SORCS3: variants seen among roughly 807,000 people sequenced by gnomAD.
SORCS3 encodes VPS10 domain-containing receptor SorCS3.
SORCS3 carries 57 observed loss-of-function variants against 146.3 expected under a neutral mutation model. The ratio of observed to expected loss-of-function variants is 0.39; its 90% CI spans 0.31 to 0.49. The LOEUF (loss-of-function observed/expected upper bound fraction) is 0.49. SORCS3 is among the 20% of genes least tolerant of loss of function. The pLI, the probability that SORCS3 is intolerant of heterozygous loss-of-function variation, is 0.92. For synonymous variants in SORCS3, 653 were observed against 618.5 expected (o/e 1.06, Z -0.83); for missense variants, 1,341 against 1,575.5 (o/e 0.85, Z 2.52).
intron 1 of SORCS3, among the ~76,000 whole-genome samples, chr10:104,686,739 C>G (rs150526638): frequency 2.0e-4 from 30 of 152,242 alleles, no homozygotes; most frequent in African/African-American, 7.0e-4. Flanking sequence ...TGGAAAAGAT[C>G]CAGGATCCTG....
intron 2 of SORCS3, among the ~76,000 whole-genome samples, chr10:104,855,543 T>C (rs1189131894): frequency 1.3e-5 from 2 of 152,244 alleles, no homozygotes; most frequent in African/African-American, 2.4e-5. Flanking sequence ...TTGTTAAGTG[T>C]ACACTTATTT....
intron 2 of SORCS3, among the ~76,000 whole-genome samples, chr10:104,888,693 A>G (rs1399189615): frequency 1.3e-5 from 2 of 152,192 alleles, no homozygotes; most frequent in East Asian, 1.9e-4. Flanking sequence ...AATCAATCAC[A>G]TAGAGAAAAA....
rs989641783 is a variant in SORCS3, at chr10:104,828,959, C to T, written c.628-13833C>T. Among the ~76,000 whole-genome samples, 4 of 152,212 alleles carry T rather than the reference C, an allele frequency of 2.6e-5. No individual in the cohort carries two copies. In the South Asian group the frequency reaches 6.2e-4, roughly 24 times the overall value. ...AAAGAAATCCTTGAAAGACATTGCT[C>T]CCAGAAAGGAGAGGGCTGAGAGTTT... On this transcript the variant is annotated intron_variant, in intron 1 of 26. Coordinates refer to ENST00000369701, the MANE Select transcript of SORCS3 (RefSeq NM_014978.3).
chr10:104,799,573 T>C (rs1401380588), intron 1 of SORCS3, among the ~76,000 whole-genome samples: 1 of 151,970 alleles, frequency 6.6e-6, no homozygotes, highest in Non-Finnish European at 1.5e-5. Flanking sequence ...AGGGATAACA[T>C]CAGGAGAGAT....
intron 1 of SORCS3, among the ~76,000 whole-genome samples, chr10:104,732,149 T>A (rs1589477057): frequency 6.6e-6 from 1 of 152,152 alleles, no homozygotes; most frequent in East Asian, 1.9e-4. Flanking sequence ...CTGCTGCTGG[T>A]TTGGTGTTTA....
At chr10:104,994,562 C>A (rs1038598196) in intron 4 of SORCS3, among the ~76,000 whole-genome samples, 1 of 152,154 alleles carries the variant, frequency 6.6e-6, no homozygotes, top group African/African-American at 2.4e-5. Context: ...AATCCGTCAC[C>A]TTCAAAAGTT....
chr10:105,159,679 AGC>A (rs2056245529), intron 11 of SORCS3, among the ~76,000 whole-genome samples: 1 of 152,080 alleles, frequency 6.6e-6, no homozygotes, highest in African/African-American at 2.4e-5. Flanking sequence ...TAGAAGTTAG[AGC>A]TCCGGTGTTG....
At chr10:104,871,922 G>T (rs2018522701) in intron 2 of SORCS3, among the ~76,000 whole-genome samples, 1 of 152,060 alleles carries the variant, frequency 6.6e-6, no homozygotes, top group Non-Finnish European at 1.5e-5. Flanking sequence ...CTTATTTCTG[G>T]TGGTAGTCTT....
intron 5 of SORCS3, among the ~76,000 whole-genome samples, chr10:105,086,680 A>G (rs2055662888): frequency 6.6e-6 from 1 of 152,204 alleles, no homozygotes; most frequent in Non-Finnish European, 1.5e-5. Flanking sequence ...TATGGTGCCA[A>G]TTCTCTGAAT....
intron 25 of SORCS3, among the ~76,000 whole-genome samples, chr10:105,260,162 A>G (rs2056952575): frequency 6.6e-6 from 1 of 152,202 alleles, no homozygotes; most frequent in Non-Finnish European, 1.5e-5. Context: ...AAAGCGAATA[A>G]TCTCTATAAG....
chr10:105,183,913 A>G (rs952421452), intron 14 of SORCS3, among the ~76,000 whole-genome samples: 1 of 152,080 alleles, frequency 6.6e-6, no homozygotes, highest in Non-Finnish European at 1.5e-5. Context: ...GGCTTTGGAG[A>G]TTCACTTTCC....
chr10:104,706,053 T>A (rs1373133645), intron 1 of SORCS3, among the ~76,000 whole-genome samples: 3 of 152,170 alleles, frequency 2.0e-5, no homozygotes. Context: ...TAGCTGTTGC[T>A]GACGAGTGAG....
chr10:105,012,162 T>C (rs564090389), intron 4 of SORCS3, among the ~76,000 whole-genome samples: 1 of 152,264 alleles, frequency 6.6e-6, no homozygotes, highest in Admixed American at 6.5e-5. Context: ...TTTAAGCGCA[T>C]AGAAGGGATG....
chr10:105,235,307 C>T (rs1385749425), intron 20 of SORCS3, among the ~76,000 whole-genome samples: 1 of 151,932 alleles, frequency 6.6e-6, no homozygotes, highest in African/African-American at 2.4e-5. Flanking sequence ...TATTTTCCCC[C>T]TCCCCTGATA....
chr10:105,159,150 C>A (rs1589661992), intron 11 of SORCS3, among the ~76,000 whole-genome samples, 156 bp downstream of exon 11: 1 of 152,150 alleles, frequency 6.6e-6, no homozygotes, highest in African/African-American at 2.4e-5. Context: ...CATCTAAGAA[C>A]CTAACATGCA....
chr10:104,808,910 GATAGAA>G (rs1474588518), intron 1 of SORCS3, among the ~76,000 whole-genome samples: 3 of 152,186 alleles, frequency 2.0e-5, no homozygotes, highest in South Asian at 4.1e-4. Context: ...ACGTGCTGGT[GATAGAA>G]ATAGAAGTAA....
At chr10:104,735,250 C>A (rs2016754299) in intron 1 of SORCS3, among the ~76,000 whole-genome samples, 1 of 152,096 alleles carries the variant, frequency 6.6e-6, no homozygotes, top group Non-Finnish European at 1.5e-5. Context: ...CTTATGCCAG[C>A]CATTCAGGGC....
intron 7 of SORCS3, among the ~76,000 whole-genome samples, chr10:105,134,599 T>C (rs908920025): frequency 3.9e-5 from 6 of 151,976 alleles, no homozygotes. Flanking sequence ...CTCCAGCCCT[T>C]TTATGAAGCA....
intron 3 of SORCS3, among the ~76,000 whole-genome samples, chr10:104,918,625 C>T (rs562539221): frequency 6.6e-6 from 1 of 152,298 alleles, no homozygotes; most frequent in East Asian, 1.9e-4. Flanking sequence ...CCAGCCAACT[C>T]AACAGGTTAG....
Sources: allele counts gnomAD v4.1 joint callset (sites outside exome capture counted in the v4.1 genomes callset), GRCh38; gene constraint gnomAD v4.1.1; transcripts MANE v1.5; gene names NCBI Gene and HGNC (gene_info 2026-07-23, HGNC 2026-07-21).